Variants in ZNF469 observed in about 807,000 individuals in gnomAD.
ZNF469 encodes zinc finger protein 469.
Under a neutral mutation model 1.0 loss-of-function variants are expected in ZNF469, and 1 was observed. The ratio of observed to expected loss-of-function variants is 1.00; its 90% CI spans 0.35 to 4.73. ZNF469 has a LOEUF of 4.73. Among genes scored for constraint, ZNF469 ranks in the 30% most tolerant of loss-of-function variants. ZNF469 has a pLI of 0.16. For synonymous variants in ZNF469, 2,703 were observed against 2,363.4 expected (o/e 1.14, Z -4.17); for missense variants, 6,100 against 5,356.3 (o/e 1.14, Z -4.33).
the ZNF469 span, among the ~76,000 whole-genome samples, chr16:88,139,622 G>A: frequency 1.3e-5 from 2 of 151,688 alleles, no homozygotes; most frequent in South Asian, 4.2e-4. Context: ...TGTGAAAAGT[G>A]GATCTGAAAC....
chr16:88,359,701 G>A, the ZNF469 span, among the ~76,000 whole-genome samples: 2 of 152,170 alleles, frequency 1.3e-5, no homozygotes, highest in African/African-American at 4.8e-5. Flanking sequence ...AAAAATAAAA[G>A]CATTGCAAAT....
At chr16:88,426,170 C>A (rs912231515) in intron 2 of ZNF469, among the ~76,000 whole-genome samples, 19 of 152,240 alleles carry the variant, frequency 1.2e-4, no homozygotes, top group African/African-American at 4.3e-4. Flanking sequence ...GCAGCAGGGT[C>A]TCTGAGAGTG....
upstream of ZNF469, among the ~76,000 whole-genome samples, chr16:88,380,936 T>TCA (rs201872285): frequency 3.4e-5 from 2 of 59,558 alleles, no homozygotes; most frequent in African/African-American, 8.0e-5. Flanking sequence ...AGACACGCAC[T>TCA]CACACACAGA....
chr16:88,284,380 C>A, the ZNF469 span, among the ~76,000 whole-genome samples: 1 of 152,166 alleles, frequency 6.6e-6, no homozygotes, highest in East Asian at 1.9e-4. Context: ...GATCCTGGGG[C>A]ATCCCAAGAA....
the ZNF469 span, among the ~76,000 whole-genome samples, chr16:88,125,009 C>T: frequency 6.6e-6 from 1 of 152,132 alleles, no homozygotes; most frequent in South Asian, 2.1e-4. Context: ...CAGAAGTTTT[C>T]TAGATTAAGC....
chr16:88,392,633 C>A (rs184888820), intron 1 of ZNF469, among the ~76,000 whole-genome samples: 1 of 152,150 alleles, frequency 6.6e-6, no homozygotes. Flanking sequence ...GCTTTCAGAC[C>A]CTTGTAAAGC....
At chr16:88,141,538 C>G in the ZNF469 span, among the ~76,000 whole-genome samples, 1 of 82,326 alleles carries the variant, frequency 1.2e-5, no homozygotes, top group Non-Finnish European at 2.3e-5. Flanking sequence ...CTATGAAACG[C>G]TCAGCCTGGG....
At chr16:88,353,617 A>G in the ZNF469 span, among the ~76,000 whole-genome samples, 2 of 152,172 alleles carry the variant, frequency 1.3e-5, no homozygotes, top group Non-Finnish European at 2.9e-5. Flanking sequence ...GTTGCTTCAG[A>G]GCATGCGCGC....
At chr16:88,156,068 T>C in the ZNF469 span, among the ~76,000 whole-genome samples, 2 of 152,348 alleles carry the variant, frequency 1.3e-5, no homozygotes, top group Non-Finnish European at 2.9e-5. Flanking sequence ...GCCTGTTTAG[T>C]TCTTTTGCCC....
the ZNF469 span, among the ~76,000 whole-genome samples, chr16:88,188,451 G>A: frequency 6.6e-6 from 1 of 152,200 alleles, no homozygotes; most frequent in Non-Finnish European, 1.5e-5. Flanking sequence ...GGACGGCATG[G>A]GCTGCTTAAT....
upstream of ZNF469, among the ~76,000 whole-genome samples, chr16:88,380,613 A>ACGCCTT (rs2092519811): frequency 6.9e-6 from 1 of 145,152 alleles, no homozygotes; most frequent in African/African-American, 2.6e-5. Flanking sequence ...TCACACACGC[A>ACGCCTT]CACACCCAGA....
At chr16:88,236,461 G>C in the ZNF469 span, among the ~76,000 whole-genome samples, 1 of 152,248 alleles carries the variant, frequency 6.6e-6, no homozygotes, top group Non-Finnish European at 1.5e-5. Flanking sequence ...CGGGTATAAA[G>C]AGACGTGTCC....
chr16:88,414,317 A>C (rs1474076909), intron 1 of ZNF469, among the ~76,000 whole-genome samples: 1 of 152,004 alleles, frequency 6.6e-6, no homozygotes, highest in Non-Finnish European at 1.5e-5. Context: ...CAACACAAAC[A>C]CCTGCTGGGC....
the ZNF469 span, among the ~76,000 whole-genome samples, chr16:88,279,266 A>G: frequency 6.6e-6 from 1 of 151,736 alleles, no homozygotes; most frequent in Non-Finnish European, 1.5e-5. Flanking sequence ...ATGCTCGGTC[A>G]GTACCGTGTA....
chr16:88,110,466 A>G, the ZNF469 span, among the ~76,000 whole-genome samples: 1 of 152,266 alleles, frequency 6.6e-6, no homozygotes, highest in East Asian at 1.9e-4. Context: ...GGTTGTTCCA[A>G]TTCAGTTTGC....
the ZNF469 span, among the ~76,000 whole-genome samples, chr16:88,240,213 G>A: frequency 1.3e-5 from 2 of 152,226 alleles, no homozygotes; most frequent in Non-Finnish European, 2.9e-5. Context: ...TGGAGGTCAG[G>A]ACGTGTCTTC....
the ZNF469 span, among the ~76,000 whole-genome samples, chr16:88,108,154 G>GTGCAC: frequency 8.8e-6 from 1 of 114,158 alleles, no homozygotes; most frequent in East Asian, 3.6e-4. Flanking sequence ...TGGGGATGGG[G>GTGCAC]GTCCACGTCT....
intron 1 of ZNF469, among the ~76,000 whole-genome samples, chr16:88,396,597 C>CCCTCCTGAAGGGAGGCCGGGT (rs1567500037): frequency 5.7e-5 from 3 of 52,382 alleles, no homozygotes; most frequent in African/African-American, 2.2e-4. Context: ...GGAGGCCGGG[C>CCCTCCTGAAGGGAGGCCGGGT]GGAGACCCAT....
the ZNF469 span, among the ~76,000 whole-genome samples, chr16:88,341,039 G>A: frequency 1.3e-5 from 2 of 152,188 alleles, no homozygotes; most frequent in African/African-American, 4.8e-5. Flanking sequence ...CCCCTCCTGA[G>A]CCACCTGAGC....
Sources: allele counts gnomAD v4.1 joint callset (sites outside exome capture counted in the v4.1 genomes callset), GRCh38; gene constraint gnomAD v4.1.1; transcripts MANE v1.5; gene names NCBI Gene and HGNC (gene_info 2026-07-23, HGNC 2026-07-21).